GALK2: variants seen among roughly 807,000 people sequenced by gnomAD.
GALK2 encodes the protein N-acetylgalactosamine kinase.
A neutral mutation model predicts 52.4 loss-of-function variants in GALK2; 36 were observed. The ratio of observed to expected loss-of-function variants is 0.69; its 90% CI spans 0.53 to 0.91. GALK2 has a LOEUF of 0.91. Among genes scored for constraint, GALK2 ranks in the 40% least tolerant of loss-of-function variants. GALK2 has a pLI of 0.00. For synonymous variants in GALK2, 176 were observed against 199.1 expected (o/e 0.88, Z 0.98); for missense variants, 579 against 559.1 (o/e 1.04, Z -0.36).
chr15:49,364,798 C>T (rs2044840678), intron 3 of GALK2, among the ~76,000 whole-genome samples: 1 of 151,670 alleles, frequency 6.6e-6, no homozygotes, highest in African/African-American at 2.4e-5. Context: ...CTTTTATCTA[C>T]CATTAGAGTT....
chr15:49,356,082 T>C (rs1286398915), intron 3 of GALK2, among the ~76,000 whole-genome samples: 1 of 109,120 alleles, frequency 9.2e-6, no homozygotes, highest in Non-Finnish European at 1.7e-5. Flanking sequence ...CAAGAGCTCC[T>C]GAAGGAAGCA....
chr15:49,184,702 T>C (rs1200816345), intron 1 of GALK2, among the ~76,000 whole-genome samples: 21 of 152,226 alleles, frequency 1.4e-4, no homozygotes, highest in Admixed American at 1.3e-3. Flanking sequence ...TAAACTGATA[T>C]TAACACCAAT....
At position 49,241,719 on chromosome 15, in the gene GALK2, C is replaced by T. The variant is rs554187795; in HGVS notation, c.504+2352C>T. Reference sequence around the variant, plus strand: ...GAGGAGGGTGTGAAGTCAAGGAATTCATTTCACTTTTAATGGGAGGATTGG... The same window carrying T: ...GAGGAGGGTGTGAAGTCAAGGAATTTATTTCACTTTTAATGGGAGGATTGG... On this transcript the variant is annotated intron_variant, in intron 5 of 9. Transcript: ENST00000560031. Among the ~76,000 whole-genome samples the T allele has an allele frequency of 2.4e-4, 36 of 152,224 alleles. No homozygotes were observed. In the South Asian group the frequency reaches 6.8e-3, roughly 29 times the overall value.
chr15:49,302,005 C>T (rs2035156845), intron 8 of GALK2, among the ~76,000 whole-genome samples: 1 of 152,190 alleles, frequency 6.6e-6, no homozygotes, highest in Non-Finnish European at 1.5e-5. Flanking sequence ...ATTTGAATCT[C>T]ACAACAACCC....
chr15:49,319,580 T>C (rs946549347), intron 8 of GALK2, 24 bp from the exon 9 acceptor site: 12 of 1,609,390 alleles, frequency 7.5e-6, no homozygotes, highest in Admixed American at 1.7e-5. Context: ...CCTAACCTCC[T>C]TCCCCATCCT....
At chr15:49,210,348 T>G (rs2088725945) in intron 2 of GALK2, among the ~76,000 whole-genome samples, 1 of 151,980 alleles carries the variant, frequency 6.6e-6, no homozygotes, top group Non-Finnish European at 1.5e-5. Context: ...GGATTTGGAT[T>G]GTTTTTGCTA....
chr15:49,192,997 C>CTTTTTTTTTTTTTTTTTTT lies in GALK2; in HGVS notation c.54-8163_54-8145dup, dbSNP rs35231463. On this transcript the variant is annotated intron_variant, in intron 1 of 9. Transcript: ENST00000560031. The stretch of plus-strand genomic sequence containing the variant: ...TTTGTTATGAATTTTCTGTTTATAC[C>CTTTTTTTTTTTTTTTTTTT]TTTTTTTTTTTTTTTTTTTTGATGG... 4.5e-5 allele frequency among the ~76,000 whole-genome samples: 3 copies of CTTTTTTTTTTTTTTTTTTT among 67,078 alleles called. 1 individual carries two copies. Among genetic ancestry groups the CTTTTTTTTTTTTTTTTTTT allele is most frequent in the Non-Finnish European group, 3.0e-5 (1 of 33,652 alleles). 44.0% of individuals were successfully genotyped at this position (67,078 alleles called of 152,430 possible).
At position 49,292,586 on chromosome 15, in the gene GALK2, C is replaced by A. The variant is rs141519794; in HGVS notation, c.967+49C>A. On this transcript the variant is annotated intron_variant, in intron 8 of 9. Coordinates refer to ENST00000560031, the MANE Select transcript of GALK2 (RefSeq NM_002044.4). Reference sequence around the variant, plus strand: ...ATATATGTTATTCCCTCACTTACAGCTGGAAGGTTTCAATTTCTCCACTGG... The same window carrying A: ...ATATATGTTATTCCCTCACTTACAGATGGAAGGTTTCAATTTCTCCACTGG... 4.0e-4 allele frequency: 581 copies of A among 1,467,918 alleles called. 4 individuals carry two copies. The African/African-American group carries it at 7.1e-3, about 18-fold the overall frequency. 90.9% of individuals were successfully genotyped at this position (1,467,918 alleles called of 1,614,324 possible).
intron 3 of GALK2, among the ~76,000 whole-genome samples, chr15:49,339,760 G>A (rs137903111): frequency 8.9e-4 from 135 of 152,308 alleles, no homozygotes; most frequent in African/African-American, 3.2e-3. Context: ...TCCCAGGTAG[G>A]TGGGGGTTTT....
intron 3 of GALK2, chr15:49,366,711 G>A: frequency 7.9e-7 from 1 of 1,264,140 alleles, no homozygotes; most frequent in South Asian, 1.2e-5. Flanking sequence ...GGGTGGGGTG[G>A]CGCGGCGCGG....
At chr15:49,265,543 C>T (rs1192379866) in intron 5 of GALK2, among the ~76,000 whole-genome samples, 2 of 152,242 alleles carry the variant, frequency 1.3e-5, no homozygotes, top group Admixed American at 6.5e-5. Context: ...CAATGCCTCG[C>T]CCTGTTTTGG....
chr15:49,214,385 C>T (rs1285331808), intron 2 of GALK2, among the ~76,000 whole-genome samples: 3 of 140,706 alleles, frequency 2.1e-5, no homozygotes, highest in Non-Finnish European at 4.5e-5. Context: ...AGGCTGGATA[C>T]AGTGGCGTGA....
intron 8 of GALK2, among the ~76,000 whole-genome samples, chr15:49,300,261 C>T (rs2034993184): frequency 6.6e-6 from 1 of 151,878 alleles, no homozygotes. Context: ...ATAGCAACCC[C>T]TGCTCTTTTT....
At chr15:49,171,416 G>A (rs1196060213) in intron 1 of GALK2, among the ~76,000 whole-genome samples, 1 of 151,942 alleles carries the variant, frequency 6.6e-6, no homozygotes. Flanking sequence ...TTTTCTGTTA[G>A]TTTTTTTCTC....
At chr15:49,305,958 T>C (rs968164029) in intron 8 of GALK2, among the ~76,000 whole-genome samples, 7 of 152,218 alleles carry the variant, frequency 4.6e-5, no homozygotes, top group Admixed American at 2.6e-4. Flanking sequence ...TTGCCAGTTA[T>C]AGTGTAAACA....
chr15:49,282,176 GT>G, intron 6 of GALK2, 91 bp downstream of exon 6: 1 of 839,608 alleles, frequency 1.2e-6, no homozygotes, highest in Non-Finnish European at 2.0e-6. Context: ...AGGATGCTTG[GT>G]TATGGACAGC....
In GALK2 at chr15:49,329,219, A is replaced by AT. The variant is rs2038115336; in HGVS notation, c.*1062dup. The stretch of plus-strand genomic sequence containing the variant: ...AATGAATTCTGGGATTTGTAATGGT[A>AT]TTGATGGGTATCTCTGTATGTATAT... On this transcript the variant is annotated 3_prime_UTR_variant, in exon 10 of 10. Coordinates refer to ENST00000560031, the MANE Select transcript of GALK2 (RefSeq NM_002044.4). The AT allele has an allele frequency of 2.0e-6, 2 of 986,406 alleles. No homozygotes were observed. The highest frequency in any genetic ancestry group is 4.7e-5 in the South Asian group (1 of 21,364). 61.1% of individuals were successfully genotyped at this position (986,406 alleles called of 1,614,324 possible).
At chr15:49,255,671 A>G (rs145461572) in intron 5 of GALK2, among the ~76,000 whole-genome samples, 77 of 152,152 alleles carry the variant, frequency 5.1e-4, no homozygotes, top group African/African-American at 1.8e-3. Context: ...TCTGCTGTCT[A>G]TCAAAATAAT....
chr15:49,277,910 G>C (rs1034769496), intron 5 of GALK2, among the ~76,000 whole-genome samples: 2 of 152,192 alleles, frequency 1.3e-5, no homozygotes, highest in African/African-American at 4.8e-5. Context: ...TTTACTACAG[G>C]CATGTTTTAT....
Sources: allele counts gnomAD v4.1 joint callset (sites outside exome capture counted in the v4.1 genomes callset), GRCh38; gene constraint gnomAD v4.1.1; transcripts MANE v1.5; gene names NCBI Gene and HGNC (gene_info 2026-07-23, HGNC 2026-07-21).